Variants in MUC4 observed in about 807,000 individuals in gnomAD.
MUC4 encodes the protein mucin-4.
In MUC4, 202 loss-of-function variants were observed where a neutral mutation model predicts 257.9. The observed-to-expected ratio is 0.78, with a 90% CI of 0.70 to 0.88. The LOEUF is 0.88. Among genes scored for constraint, MUC4 ranks in the 40% least tolerant of loss-of-function variants. The pLI is 0.00. For missense variants in MUC4, 5,976 were observed against 6,513.7 expected, an observed-to-expected ratio of 0.92 and a Z score of 2.84; for synonymous variants, 2,351 against 2,757.1, an observed-to-expected ratio of 0.85 and a Z score of 4.62.
chr3:195,748,336 G>C (rs1715568638), intron 24 of MUC4, among the ~76,000 whole-genome samples: 1 of 152,294 alleles, frequency 6.6e-6, no homozygotes, highest in Non-Finnish European at 1.5e-5. Context: ...GGCCAAGGTG[G>C]ACGGATCACC....
chr3:195,747,245 G>C lies in MUC4; in HGVS notation c.16170C>G (p.Val5390=), dbSNP rs1231986492. The C allele has an allele frequency of 5.0e-6, 8 of 1,614,134 alleles. No homozygotes were observed. The highest frequency in any genetic ancestry group is 6.8e-6 in the Non-Finnish European group (8 of 1,180,048). Residue 5390 remains valine (V), a synonymous_variant, in exon 25 of 25, where the codon GTC becomes GTG. Coordinates refer to ENST00000463781, the MANE Select transcript of MUC4 (RefSeq NM_018406.7). The part of the protein sequence containing the change: ...LLLLGVGTFV[V]LRFWGCSGAR... ...CCCCGGAGCAACCCCAGAAGCGCAGGACCACGAACGTCCCGACCCCCAGCA... is the reference window on the plus strand; with the variant it reads ...CCCCGGAGCAACCCCAGAAGCGCAGCACCACGAACGTCCCGACCCCCAGCA...
chr3:195,791,085 C>A lies in MUC4; in HGVS notation c.495G>T (p.Val165=). The change falls in exon 2 of 25, where the codon GTG becomes GTT. Residue 165 remains valine, a synonymous_variant. Transcript: ENST00000463781. ...STAGTESSTP[V]TSAVSITAGQ... Reference sequence around the variant, plus strand: ...CAGCTGTTATTGAGACTGCTGAGGTCACTGGGGTAGAACTTTCAGTTCCTG... The same window carrying A: ...CAGCTGTTATTGAGACTGCTGAGGTAACTGGGGTAGAACTTTCAGTTCCTG... 6.2e-7 allele frequency: 1 copy of A among 1,613,202 alleles called. No individual in the cohort carries two copies. The highest frequency in any genetic ancestry group is 1.3e-5 in the African/African-American group (1 of 74,694).
chr3:195,791,197 G>A lies in MUC4; in HGVS notation c.383C>T (p.Thr128Ile), dbSNP rs770731161. Residue 128 changes from threonine to isoleucine, a missense_variant, in exon 2 of 25, where the codon ACC becomes ATC. Around this residue, in one of 44 missense-constraint regions of MUC4, gnomAD observed 1,583 missense variants for 1,257.4 expected, o/e 1.26. Coordinates refer to ENST00000463781, the MANE Select transcript of MUC4 (RefSeq NM_018406.7). ...EMTTSFPSSV[T>I]NTLMMTSKTI... ...CTTTGATGTCATCATGAGTGTGTTG[G>A]TGACACTGGAGGGAAATGATGTGGT... 1 of 1,613,346 alleles carries A rather than the reference G, an allele frequency of 6.2e-7. No individual in the cohort carries two copies. The highest frequency in any genetic ancestry group is 8.5e-7 in the Non-Finnish European group (1 of 1,179,630).
At position 195,754,308 on chromosome 3, in the gene MUC4, C is replaced by T; in HGVS notation, c.15233G>A (p.Cys5078Tyr). Residue 5078 changes from cysteine (C) to tyrosine (Y), a missense_variant, in exon 19 of 25, where the codon TGT becomes TAT. Physicochemically the swap from Cys to Tyr is radical, Grantham distance 194. This residue lies in a region of MUC4 where 996 missense variants were observed against 1,137.3 expected (regional missense o/e 0.88). Coordinates refer to ENST00000463781, the MANE Select transcript of MUC4 (RefSeq NM_018406.7). ...GRYCEGSEDACEEPCFPSVHC... is the reference protein window; with the variant it reads ...GRYCEGSEDAYEEPCFPSVHC... ...GACACTCGGGAAGCACGGCTCCTCA[C>T]AGGCATCCTCGGAGCCCTCGCAGTA... 1 of 1,613,538 alleles carries T rather than the reference C, an allele frequency of 6.2e-7. No homozygotes were observed. Among genetic ancestry groups the T allele is most frequent in the African/African-American group, 1.3e-5 (1 of 75,058 alleles).
chr3:195,793,193 G>A (rs1379173440), intron 1 of MUC4, among the ~76,000 whole-genome samples: 1 of 151,972 alleles, frequency 6.6e-6, no homozygotes, highest in African/African-American at 2.4e-5. Flanking sequence ...ATATTTGGGG[G>A]ATAAAAAAAT....
At position 195,790,637 on chromosome 3, in the gene MUC4, T is replaced by C; in HGVS notation, c.943A>G (p.Thr315Ala). 1.2e-6 allele frequency: 2 copies of C among 1,614,028 alleles called. No homozygotes were observed. The highest frequency in any genetic ancestry group is 2.2e-5 in the South Asian group (2 of 91,086). ...QSPATFSRTS[T>A]QDTTAFSKNH... ...TTAGAAAAAGCTGTTGTGTCCTGAG[T>C]AGAAGTCCTTGAGAAAGTTGCTGGT... Residue 315 changes from threonine to alanine, a missense_variant, in exon 2 of 25, where the codon ACT (threonine) becomes GCT (alanine). By Grantham distance (58) the Thr-to-Ala change is moderately conservative. Around this residue, in one of 44 missense-constraint regions of MUC4, gnomAD observed 1,583 missense variants for 1,257.4 expected, o/e 1.26. Coordinates refer to ENST00000463781, the MANE Select transcript of MUC4 (RefSeq NM_018406.7).
chr3:195,758,419 C>A (rs942853092), intron 17 of MUC4, among the ~76,000 whole-genome samples: 2 of 152,116 alleles, frequency 1.3e-5, no homozygotes, highest in African/African-American at 4.8e-5. Flanking sequence ...TTCTTTAAAT[C>A]TTGTCCTACA....
chr3:195,781,132 G>T lies in MUC4; in HGVS notation c.10448C>A (p.Thr3483Lys). ...LPVTSPSSASTGHTTPLHVTI... is the reference protein window; with the variant it reads ...LPVTSPSSASKGHTTPLHVTI... ...GACATGAAGAGGGGTGGTGTGACCTGTAGATGCTGAGGAAGGGCTGGTGAC... is the reference window on the plus strand; with the variant it reads ...GACATGAAGAGGGGTGGTGTGACCTTTAGATGCTGAGGAAGGGCTGGTGAC... Residue 3483 changes from threonine to lysine, a missense_variant, in exon 2 of 25, where the codon ACA becomes AAA. By Grantham distance (78) the Thr-to-Lys change is moderately conservative (BLOSUM62 -1). This residue lies in a region of MUC4 where 297 missense variants were observed against 240.9 expected (regional missense o/e 1.23). Coordinates refer to ENST00000463781, the MANE Select transcript of MUC4 (RefSeq NM_018406.7). 2.0e-6 allele frequency: 3 copies of T among 1,467,622 alleles called. No homozygotes were observed. Among genetic ancestry groups the T allele is most frequent in the Non-Finnish European group, 2.7e-6 (3 of 1,093,382 alleles). The allele number at this position is 1,467,622 out of a possible 1,614,324, so 90.9% of individuals were successfully genotyped here. A position where few individuals can be genotyped will look rare whatever the true frequency, so the allele number is the denominator to read the frequency against.
chr3:195,750,898 C>A lies in MUC4; in HGVS notation c.15862G>T (p.Val5288Leu), dbSNP rs761850770. 6 of 1,613,408 alleles carry A rather than the reference C, an allele frequency of 3.7e-6. No individual in the cohort carries two copies. The Admixed American group carries it at 1.0e-4, about 27-fold the overall frequency. The change falls in exon 23 of 25, where the codon GTG becomes TTG. Residue 5288 changes from valine (V) to leucine (L), a missense_variant. Physicochemically the swap from Val to Leu is conservative, Grantham distance 32 (BLOSUM62 1). Around this residue, in one of 44 missense-constraint regions of MUC4, gnomAD observed 310 missense variants for 242.1 expected, o/e 1.28. Transcript: ENST00000463781. The stretch of plus-strand genomic sequence containing the variant: ...GAATGGACGGACTCACGGGCTGTCA[C>A]ATCGCGCACGTCTTCCCCGGAGATG... ...QPISGEDVRD[V>L]TALNVSTLKA...
intron 16 of MUC4, among the ~76,000 whole-genome samples, chr3:195,759,584 G>A (rs114979483): frequency 0.022 from 3,367 of 152,272 alleles, 137 homozygotes; most frequent in African/African-American, 0.076. Context: ...CCATTACAAA[G>A]GGTTGTACCC....
At position 195,762,876 on chromosome 3, in the gene MUC4, G is replaced by A; in HGVS notation, c.14323C>T (p.Pro4775Ser). 6.4e-7 allele frequency: 1 copy of A among 1,569,024 alleles called. No homozygotes were observed. Among genetic ancestry groups the A allele is most frequent in the East Asian group, 2.4e-5 (1 of 41,882 alleles). The change falls in exon 13 of 25, where the codon CCT (proline) becomes TCT (serine). Residue 4775 changes from proline to serine, a missense_variant. This residue lies in a region of MUC4 where 996 missense variants were observed against 1,137.3 expected (regional missense o/e 0.88). Transcript: ENST00000463781. Reference protein sequence around the residue: ...LLDNQTVTFQPDHEDGGGQET... With the variant: ...LLDNQTVTFQSDHEDGGGQET... ...CTACCTCCGCCGTCTTCATGGTCAG[G>A]CTGAAATGTCACAGTCTGGTTATCC...
intron 24 of MUC4, 133 bp downstream of exon 24, chr3:195,748,765 ACTCT>A (rs1715702285): frequency 8.3e-7 from 1 of 1,209,144 alleles, no homozygotes; most frequent in African/African-American, 1.6e-5. Context: ...GGCACTCACA[ACTCT>A]CCTTTTCCAC....
At chr3:195,806,014 G>A (rs1457603246) in intron 1 of MUC4, among the ~76,000 whole-genome samples, 1 of 33,780 alleles carries the variant, frequency 3.0e-5, no homozygotes, top group Non-Finnish European at 8.7e-5. Context: ...TACTCGGGGG[G>A]CTGAGGCACG....
At chr3:195,769,245 G>A in intron 6 of MUC4, 93 bp from the exon 7 acceptor site, 1 of 1,513,442 alleles carries the variant, frequency 6.6e-7, no homozygotes, top group African/African-American at 1.4e-5. Flanking sequence ...GCCCTGCTCT[G>A]ACACGCACAG....
chr3:195,792,600 A>G (rs1281756704), intron 1 of MUC4, among the ~76,000 whole-genome samples: 1 of 152,238 alleles, frequency 6.6e-6, no homozygotes, highest in Non-Finnish European at 1.5e-5. Flanking sequence ...AGAACCAGAA[A>G]TACCATTTGA....
chr3:195,752,616 G>T, intron 20 of MUC4, 170 bp from the exon 21 acceptor site: 1 of 630,812 alleles, frequency 1.6e-6, no homozygotes, highest in Non-Finnish European at 2.8e-6. Flanking sequence ...GAAGGTCGCT[G>T]AAGAAACCGG....
rs572257155 is a variant in MUC4, at chr3:195,762,455, G to A, written c.14345-201C>T. On this transcript the variant is annotated intron_variant, in intron 13 of 24. Transcript: ENST00000463781. ...GGCTGCGCTCTCTTGGCCCTGCACC[G>A]CCACGCACCGGGCCCTGCACCGCCA... Among the ~76,000 whole-genome samples, 232 of 151,232 alleles carry A rather than the reference G, an allele frequency of 1.5e-3. 2 individuals are homozygous for A. The highest frequency in any genetic ancestry group is 5.4e-3 in the African/African-American group (221 of 41,192).
At position 195,811,894 on chromosome 3, in the gene MUC4, G is replaced by GC. The variant is rs1456251703; in HGVS notation, c.-78dup. On this transcript the variant is annotated 5_prime_UTR_variant, in exon 1 of 25. Coordinates refer to ENST00000463781, the MANE Select transcript of MUC4 (RefSeq NM_018406.7). ...GCTGCAGTGTGAGGAGCAGACGTGA[G>GC]CCCGTCCCCTCAGGCGGCTGGCCCG... The GC allele has an allele frequency of 1.4e-6, 2 of 1,432,174 alleles. No homozygotes were observed. Among genetic ancestry groups the GC allele is most frequent in the African/African-American group, 2.8e-5 (2 of 71,352 alleles). 88.7% of individuals were successfully genotyped at this position (1,432,174 alleles called of 1,614,324 possible).
At chr3:195,767,823 CCACCACCAT>C (rs1193465793) in intron 7 of MUC4, among the ~76,000 whole-genome samples, 1 of 98,556 alleles carries the variant, frequency 1.0e-5, no homozygotes, top group Non-Finnish European at 2.1e-5. Flanking sequence ...ATCACCACCA[CCACCACCAT>C]CACCACCACC....
Sources: gnomAD v4.1 joint callset for allele counts (sites outside exome capture counted in the v4.1 genomes callset) on GRCh38, gnomAD v4.1.1 for gene constraint, gnomAD v4.1.1 regional missense constraint, MANE v1.5 for transcripts, NCBI Gene and HGNC (gene_info 2026-07-23, HGNC 2026-07-21) for gene names.